GPR137C: variants seen among roughly 807,000 people sequenced by gnomAD.
The protein encoded by GPR137C is G protein-coupled receptor 137C.
GPR137C carries 27 observed loss-of-function variants against 43.4 expected under a neutral mutation model. The observed-to-expected ratio is 0.62, with a 90% CI of 0.46 to 0.86. The LOEUF is 0.86. GPR137C is among the 40% of genes least tolerant of loss of function. GPR137C has a pLI of 0.00. For missense variants in GPR137C, 522 were observed against 534.6 expected (o/e 0.98, Z 0.23); for synonymous variants, 285 against 226.9 (o/e 1.26, Z -2.30).
chr14:52,582,736 G>T (rs1279297043), intron 1 of GPR137C, among the ~76,000 whole-genome samples: 2 of 152,186 alleles, frequency 1.3e-5, no homozygotes, highest in Non-Finnish European at 2.9e-5. Context: ...GGATGTTGCA[G>T]TGAGCTGAGA....
chr14:52,629,357 C>T (rs1253236030), intron 3 of GPR137C, among the ~76,000 whole-genome samples: 2 of 152,164 alleles, frequency 1.3e-5, no homozygotes, highest in Non-Finnish European at 2.9e-5. Context: ...TATAAACAAA[C>T]TCATATAATC....
At chr14:52,626,028 A>G (rs893474799) in intron 3 of GPR137C, among the ~76,000 whole-genome samples, 1 of 152,214 alleles carries the variant, frequency 6.6e-6, no homozygotes, top group East Asian at 1.9e-4. Flanking sequence ...TAAAAATAAT[A>G]CAACTTAAAA....
chr14:52,604,196 C>G (rs1282529077), intron 3 of GPR137C, among the ~76,000 whole-genome samples: 3 of 152,054 alleles, frequency 2.0e-5, no homozygotes, highest in Non-Finnish European at 2.9e-5. Context: ...AATATTTACT[C>G]CCATTCTATA....
chr14:52,555,949 A>G (rs142717478), intron 1 of GPR137C, among the ~76,000 whole-genome samples: 12 of 152,284 alleles, frequency 7.9e-5, no homozygotes, highest in East Asian at 3.9e-4. Flanking sequence ...TTTTAGTTCA[A>G]ATTTTTATGT....
chr14:52,553,247 G>C lies in GPR137C; in HGVS notation c.100G>C (p.Ala34Pro). 1 of 1,314,064 alleles carries C rather than the reference G, an allele frequency of 7.6e-7. No individual in the cohort carries two copies. Among genetic ancestry groups the C allele is most frequent in the South Asian group, 2.1e-5 (1 of 47,514 alleles). 81.4% of individuals were successfully genotyped at this position (1,314,064 alleles called of 1,614,324 possible). ...GGGCAGCGGAGGCGGAGGCGCCGTCGCTGCAGCCTCAGGCGCCGCGGTGCC... is the reference window on the plus strand; with the variant it reads ...GGGCAGCGGAGGCGGAGGCGCCGTCCCTGCAGCCTCAGGCGCCGCGGTGCC... ...GGGSGGGGAV[A>P]AASGAAVPGS... The change falls in exon 1 of 7, where the codon GCT becomes CCT. Residue 34 changes from alanine to proline, a missense_variant. Physicochemically the swap from Ala to Pro is conservative, Grantham distance 27. This residue lies in a region of GPR137C where 437 missense variants were observed against 425.7 expected (regional missense o/e 1.03). Coordinates refer to ENST00000321662, the MANE Select transcript of GPR137C (RefSeq NM_001099652.2).
chr14:52,570,177 T>TG (rs1444565433), intron 1 of GPR137C, among the ~76,000 whole-genome samples: 1 of 151,890 alleles, frequency 6.6e-6, no homozygotes, highest in Non-Finnish European at 1.5e-5. Flanking sequence ...CAGAAGAGAG[T>TG]GGGGGCCAAT....
intron 1 of GPR137C, among the ~76,000 whole-genome samples, chr14:52,559,828 T>C (rs1343431696): frequency 6.6e-6 from 1 of 152,194 alleles, no homozygotes; most frequent in Non-Finnish European, 1.5e-5. Flanking sequence ...ATATAACTTT[T>C]TATATACTAG....
At chr14:52,600,403 A>G in intron 3 of GPR137C, 62 bp downstream of exon 3, 2 of 810,164 alleles carry the variant, frequency 2.5e-6, no homozygotes, top group Non-Finnish European at 3.9e-6. Flanking sequence ...CCTACTAATC[A>G]TATTTTAATG....
In GPR137C at chr14:52,590,581, G is replaced by A. The variant is rs546921228; in HGVS notation, c.445-7691G>A. 5.3e-5 allele frequency among the ~76,000 whole-genome samples: 8 copies of A among 152,210 alleles called. No homozygotes were observed. In the East Asian group the frequency reaches 1.5e-3, roughly 29 times the overall value. On this transcript the variant is annotated intron_variant, in intron 1 of 6. Transcript: ENST00000321662. Reference sequence around the variant, plus strand: ...CATTCATATTAAGTGCCCTATACAAGTGCACCATTTTTTATCTTGTATACC... The same window carrying A: ...CATTCATATTAAGTGCCCTATACAAATGCACCATTTTTTATCTTGTATACC...
intron 1 of GPR137C, among the ~76,000 whole-genome samples, chr14:52,580,137 T>C (rs960732313): frequency 6.6e-6 from 1 of 152,228 alleles, no homozygotes; most frequent in Admixed American, 6.5e-5. Context: ...ATTATTGCAG[T>C]CTTTCCTATT....
chr14:52,625,341 G>A lies in GPR137C; in HGVS notation c.718-6819G>A, dbSNP rs2039209790. On this transcript the variant is annotated intron_variant, in intron 3 of 6. Coordinates refer to ENST00000321662, the MANE Select transcript of GPR137C (RefSeq NM_001099652.2). ...TACTAAAAATGCAAAAATGAGCCAG[G>A]CGTGGTGGCGCGCACCTGTACTCGC... is the stretch of plus-strand genomic sequence containing the variant. 2.0e-5 allele frequency among the ~76,000 whole-genome samples: 3 copies of A among 151,556 alleles called. No homozygotes were observed. The South Asian group carries it at 6.2e-4, about 32-fold the overall frequency.
At chr14:52,618,263 G>A (rs1031330459) in intron 3 of GPR137C, among the ~76,000 whole-genome samples, 1 of 152,020 alleles carries the variant, frequency 6.6e-6, no homozygotes, top group African/African-American at 2.4e-5. Flanking sequence ...GAAATTTTTG[G>A]AACAAATATG....
chr14:52,571,853 G>A (rs2038475491), intron 1 of GPR137C, among the ~76,000 whole-genome samples: 1 of 152,086 alleles, frequency 6.6e-6, no homozygotes, highest in African/African-American at 2.4e-5. Flanking sequence ...CCACTAGCCA[G>A]ACTAATAAAG....
rs569545354 is a variant in GPR137C, at chr14:52,597,771, A to G, written c.445-501A>G. On this transcript the variant is annotated intron_variant, in intron 1 of 6. Coordinates refer to ENST00000321662, the MANE Select transcript of GPR137C (RefSeq NM_001099652.2). ...ACCTGCCTTTTGTAAGGCTTTATAAAAGAAGAAAGTTTACTAAATATGATA... is the reference window on the plus strand; with the variant it reads ...ACCTGCCTTTTGTAAGGCTTTATAAGAGAAGAAAGTTTACTAAATATGATA... Among the ~76,000 whole-genome samples, 7 of 152,312 alleles carry G rather than the reference A, an allele frequency of 4.6e-5. No individual in the cohort carries two copies. In the East Asian group the frequency reaches 1.3e-3, roughly 29 times the overall value.
intron 1 of GPR137C, among the ~76,000 whole-genome samples, chr14:52,567,089 G>A (rs2038382579): frequency 6.6e-6 from 1 of 152,032 alleles, no homozygotes; most frequent in South Asian, 2.1e-4. Context: ...CTCCAGCCTG[G>A]GTGACAAAGT....
At chr14:52,559,274 G>C (rs1286089039) in intron 1 of GPR137C, among the ~76,000 whole-genome samples, 1 of 152,078 alleles carries the variant, frequency 6.6e-6, no homozygotes, top group Non-Finnish European at 1.5e-5. Flanking sequence ...TACCCGGGAA[G>C]AGAGAGAGAA....
At chr14:52,598,156 A>G (rs1314925623) in intron 1 of GPR137C, 116 bp from the exon 2 acceptor site, 2 of 440,768 alleles carry the variant, frequency 4.5e-6, no homozygotes, top group Non-Finnish European at 8.3e-6. Flanking sequence ...TAACATTTCA[A>G]CTTTGCGTGC....
chr14:52,570,756 A>G (rs1002074349), intron 1 of GPR137C, among the ~76,000 whole-genome samples: 4 of 152,186 alleles, frequency 2.6e-5, no homozygotes, highest in Admixed American at 2.0e-4. Context: ...AGGGCATTAC[A>G]TAACGCTAAA....
chr14:52,611,602 T>G (rs2039039843), intron 3 of GPR137C: 1 of 491,328 alleles, frequency 2.0e-6, no homozygotes, highest in Admixed American at 6.4e-5. Flanking sequence ...ACACTTGAAG[T>G]AAAATTAACC....
Sources: gnomAD v4.1 joint callset for allele counts (sites outside exome capture counted in the v4.1 genomes callset) on GRCh38, gnomAD v4.1.1 for gene constraint, gnomAD v4.1.1 regional missense constraint, MANE v1.5 for transcripts, NCBI Gene and HGNC (gene_info 2026-07-23, HGNC 2026-07-21) for gene names.